ANKFN1: variants seen among roughly 807,000 people sequenced by gnomAD.
ANKFN1 encodes the protein ankyrin repeat and fibronectin type III domain containing 1.
Under a neutral mutation model 108.7 loss-of-function variants are expected in ANKFN1, and 74 were observed. The observed-to-expected ratio is 0.68, with a 90% CI of 0.56 to 0.83. ANKFN1 has a LOEUF of 0.83. Ranked by LOEUF, ANKFN1 falls within the 40% of genes least tolerant of loss-of-function variation. ANKFN1 has a pLI of 0.00. For missense variants in ANKFN1, 1,505 were observed against 1,382.3 expected (o/e 1.09, Z -1.41); for synonymous variants, 547 against 516.2 (o/e 1.06, Z -0.81).
intron 6 of ANKFN1, among the ~76,000 whole-genome samples, chr17:56,356,122 A>C (rs774310853): frequency 1.8e-4 from 28 of 152,108 alleles, no homozygotes; most frequent in Non-Finnish European, 1.2e-4. Context: ...AGAAAGTTGC[A>C]CTGGGGCTAA....
intron 8 of ANKFN1, among the ~76,000 whole-genome samples, chr17:56,436,821 G>A (rs929079209): frequency 5.0e-4 from 71 of 143,426 alleles, no homozygotes; most frequent in Non-Finnish European, 8.6e-4. Context: ...TAGGCAACAA[G>A]AGCGAAACTC....
chr17:56,241,254 A>G (rs1013756976), intron 3 of ANKFN1, among the ~76,000 whole-genome samples: 1 of 152,276 alleles, frequency 6.6e-6, no homozygotes, highest in South Asian at 2.1e-4. Flanking sequence ...AGCTTGACCA[A>G]CAGAGTGAGA....
In ANKFN1 at chr17:56,451,268, T is replaced by C. The variant is rs117249932; in HGVS notation, c.1207+2082T>C. Reference sequence around the variant, plus strand: ...CATTTTCCAAACTTCTTTAGCCATGTACAACTTTTTCACAGTATTAGTATT... The same window carrying C: ...CATTTTCCAAACTTCTTTAGCCATGCACAACTTTTTCACAGTATTAGTATT... On this transcript the variant is annotated intron_variant, in intron 11 of 20. Coordinates refer to ENST00000682825, the MANE Select transcript of ANKFN1 (RefSeq NM_001370326.1). Among the ~76,000 whole-genome samples the C allele has an allele frequency of 9.6e-3, 1,462 of 152,320 alleles. 15 individuals carry two copies. Among genetic ancestry groups the C allele is most frequent in the Non-Finnish European group, 0.013 (868 of 68,014 alleles).
intron 4 of ANKFN1, among the ~76,000 whole-genome samples, chr17:56,148,039 C>A (rs1908369502): frequency 6.6e-6 from 1 of 152,204 alleles, no homozygotes; most frequent in Non-Finnish European, 1.5e-5. Flanking sequence ...GAAACTGAGA[C>A]TTATCCAGAT....
chr17:56,207,146 G>C (rs982635573), intron 1 of ANKFN1, among the ~76,000 whole-genome samples: 1 of 152,156 alleles, frequency 6.6e-6, no homozygotes. Context: ...TATTGTCTTT[G>C]CTTCCTACAC....
At chr17:56,088,166 C>A (rs529997921) in intron 4 of ANKFN1, among the ~76,000 whole-genome samples, 1 of 151,470 alleles carries the variant, frequency 6.6e-6, no homozygotes, top group African/African-American at 2.4e-5. Flanking sequence ...TTAAAAGTCT[C>A]TGTCTGGTAA....
At chr17:56,487,561 T>C (rs770760432) in intron 18 of ANKFN1, among the ~76,000 whole-genome samples, 15 of 151,966 alleles carry the variant, frequency 9.9e-5, no homozygotes, top group Non-Finnish European at 1.2e-4. Context: ...AAAATAATAG[T>C]TTGAGGCCTG....
chr17:56,047,544 G>C (rs60518771), intron 4 of ANKFN1, among the ~76,000 whole-genome samples: 2,368 of 152,218 alleles, frequency 0.016, 58 homozygotes, highest in African/African-American at 0.053. Flanking sequence ...CAGGGCCCCA[G>C]CTCCCAAGTT....
At chr17:56,231,356 A>G (rs991629352) in intron 3 of ANKFN1, among the ~76,000 whole-genome samples, 1 of 152,102 alleles carries the variant, frequency 6.6e-6, no homozygotes, top group Admixed American at 6.6e-5. Context: ...CCCCTTCCCT[A>G]TGGCTTTAAT....
chr17:56,338,930 A>T (rs1211917613), intron 4 of ANKFN1, among the ~76,000 whole-genome samples: 3 of 152,114 alleles, frequency 2.0e-5, no homozygotes, highest in Non-Finnish European at 4.4e-5. Context: ...GATACCCCAC[A>T]GATGAAGAGG....
intron 1 of ANKFN1, among the ~76,000 whole-genome samples, chr17:56,193,605 A>G (rs951197953): frequency 6.6e-6 from 1 of 152,040 alleles, no homozygotes; most frequent in Non-Finnish European, 1.5e-5. Flanking sequence ...GAATCTAGAC[A>G]CAGACCTTAC....
intron 4 of ANKFN1, among the ~76,000 whole-genome samples, chr17:56,341,808 T>C (rs184003987): frequency 1.3e-5 from 2 of 152,134 alleles, no homozygotes; most frequent in East Asian, 3.9e-4. Context: ...ATCAGGGTGA[T>C]GCTGGCCTCA....
chr17:56,292,077 A>T (rs915876735), intron 3 of ANKFN1, among the ~76,000 whole-genome samples: 1 of 152,178 alleles, frequency 6.6e-6, no homozygotes, highest in Non-Finnish European at 1.5e-5. Flanking sequence ...TCTCAGAAGG[A>T]GGAGATTGGT....
chr17:56,481,247 A>G (rs927492295), intron 17 of ANKFN1, among the ~76,000 whole-genome samples: 1 of 152,162 alleles, frequency 6.6e-6, no homozygotes, highest in Non-Finnish European at 1.5e-5. Context: ...AATCTACAGC[A>G]ATGTCCCAAG....
At chr17:56,418,069 C>T (rs959362487) in intron 8 of ANKFN1, among the ~76,000 whole-genome samples, 2 of 152,178 alleles carry the variant, frequency 1.3e-5, no homozygotes, top group African/African-American at 4.8e-5. Flanking sequence ...TTTGGCAAAA[C>T]TTCCCCAGGA....
intron 3 of ANKFN1, among the ~76,000 whole-genome samples, chr17:56,271,422 T>C (rs1270386475): frequency 6.6e-6 from 1 of 152,164 alleles, no homozygotes; most frequent in Non-Finnish European, 1.5e-5. Context: ...GGGAAGTAGC[T>C]CAATATTTAA....
Position 56,200,161 on chromosome 17 carries a change from A to G in ANKFN1, c.-70-12437A>G, listed in dbSNP as rs1352791163. Among the ~76,000 whole-genome samples, 6 of 152,364 alleles carry G rather than the reference A, an allele frequency of 3.9e-5. 1 individual carries two copies. In the South Asian group the frequency reaches 1.2e-3, roughly 32 times the overall value. On this transcript the variant is annotated intron_variant, in intron 1 of 20. Coordinates refer to ENST00000682825, the MANE Select transcript of ANKFN1 (RefSeq NM_001370326.1). ...GTTTTGAGGCTTAAGTAGAGGAACA[A>G]ACAGGTGTGAATGAGTTTACTAACT... is the stretch of plus-strand genomic sequence containing the variant.
chr17:56,122,399 TC>T (rs1368288364), intron 4 of ANKFN1, among the ~76,000 whole-genome samples: 1 of 152,212 alleles, frequency 6.6e-6, no homozygotes, highest in Non-Finnish European at 1.5e-5. Flanking sequence ...TACTTCCATA[TC>T]ATGGATTTGC....
chr17:56,089,881 C>T (rs1245711689), intron 4 of ANKFN1, among the ~76,000 whole-genome samples: 1 of 151,308 alleles, frequency 6.6e-6, no homozygotes, highest in Non-Finnish European at 1.5e-5. Flanking sequence ...TGATAATAAC[C>T]TTGTACTTGG....
Sources: gnomAD v4.1 joint callset for allele counts (sites outside exome capture counted in the v4.1 genomes callset) on GRCh38, gnomAD v4.1.1 for gene constraint, MANE v1.5 for transcripts, NCBI Gene and HGNC (gene_info 2026-07-23, HGNC 2026-07-21) for gene names.